Variants in SH3GL3 observed in about 807,000 individuals in gnomAD.
SH3GL3 encodes SH3 domain containing GRB2 like 3, endophilin A3.
In SH3GL3, 33 loss-of-function variants were observed where a neutral mutation model predicts 47.7. The observed-to-expected ratio is 0.69, with a 90% CI of 0.52 to 0.92. SH3GL3 has a LOEUF of 0.92. SH3GL3 is among the 40% of genes least tolerant of loss of function. The pLI is 0.00. For synonymous variants in SH3GL3, 155 were observed against 148.8 expected (o/e 1.04, Z -0.30); for missense variants, 363 against 417.8 (o/e 0.87, Z 1.14).
At chr15:83,501,548 A>T (rs1463365292) in intron 1 of SH3GL3, among the ~76,000 whole-genome samples, 1 of 152,176 alleles carries the variant, frequency 6.6e-6, no homozygotes, top group Non-Finnish European at 1.5e-5. Context: ...TGGGTGCAAG[A>T]TCTCAGTTAC....
chr15:83,576,949 G>A (rs1403571386), intron 6 of SH3GL3, among the ~76,000 whole-genome samples: 2 of 25,854 alleles, frequency 7.7e-5, no homozygotes, highest in Non-Finnish European at 1.6e-4. Context: ...ACGCTGTCTC[G>A]CTCTGTCACC....
chr15:83,541,266 T>C (rs1001804889), intron 1 of SH3GL3, among the ~76,000 whole-genome samples: 1 of 151,070 alleles, frequency 6.6e-6, no homozygotes, highest in Non-Finnish European at 1.5e-5. Flanking sequence ...ACTGATTTCC[T>C]GTCTTCTTTC....
chr15:83,630,329 C>G, the SH3GL3 span, among the ~76,000 whole-genome samples: 1 of 152,092 alleles, frequency 6.6e-6, no homozygotes, highest in African/African-American at 2.4e-5. Context: ...TAAAATTGAT[C>G]AATTGGACTT....
At chr15:83,557,723 A>G (rs2045034955) in intron 1 of SH3GL3, among the ~76,000 whole-genome samples, 1 of 152,182 alleles carries the variant, frequency 6.6e-6, no homozygotes, top group African/African-American at 2.4e-5. Context: ...GGGTAGCAAC[A>G]GTGTTTCTAG....
chr15:83,547,440 T>C (rs1415436442), intron 1 of SH3GL3, among the ~76,000 whole-genome samples: 2 of 152,214 alleles, frequency 1.3e-5, no homozygotes, highest in African/African-American at 4.8e-5. Flanking sequence ...GCTGCACTGC[T>C]GGGGGATGGA....
At chr15:83,574,522 C>T (rs2059623517) in intron 5 of SH3GL3, among the ~76,000 whole-genome samples, 1 of 152,128 alleles carries the variant, frequency 6.6e-6, no homozygotes, top group South Asian at 2.1e-4. Flanking sequence ...TTCCTGTTAA[C>T]ATTTACACAC....
At chr15:83,592,663 T>A (rs962385538) in intron 8 of SH3GL3, among the ~76,000 whole-genome samples, 10 of 152,234 alleles carry the variant, frequency 6.6e-5, no homozygotes, top group Admixed American at 3.9e-4. Context: ...CCCCAGAGAA[T>A]GTATTTTAAG....
intron 3 of SH3GL3, among the ~76,000 whole-genome samples, chr15:83,567,892 C>T (rs373191029): frequency 5.9e-5 from 9 of 151,878 alleles, no homozygotes; most frequent in East Asian, 1.9e-4. Context: ...GGGTCTCACT[C>T]GAGGGGTGGT....
At chr15:83,458,364 C>G (rs2040102734) in intron 1 of SH3GL3, among the ~76,000 whole-genome samples, 1 of 152,212 alleles carries the variant, frequency 6.6e-6, no homozygotes, top group African/African-American at 2.4e-5. Context: ...CACACAGCAC[C>G]AGCAGCCAGT....
chr15:83,489,447 G>T (rs2041764015), intron 1 of SH3GL3: 1 of 152,086 alleles, frequency 6.6e-6, no homozygotes, highest in Non-Finnish European at 1.5e-5. Flanking sequence ...TCCTTTGATG[G>T]GGGTAACGAC....
intron 1 of SH3GL3, among the ~76,000 whole-genome samples, chr15:83,545,279 T>C (rs977425230): frequency 1.3e-5 from 2 of 152,160 alleles, no homozygotes; most frequent in African/African-American, 4.8e-5. Context: ...TTCCTCTGCT[T>C]GATCAGTTCT....
chr15:83,563,962 A>C (rs902619591), intron 2 of SH3GL3, among the ~76,000 whole-genome samples: 2 of 152,042 alleles, frequency 1.3e-5, no homozygotes, highest in African/African-American at 4.8e-5. Context: ...TGTTTGTTTA[A>C]ATGGGAGTTT....
At chr15:83,471,189 A>G (rs2040815637) in intron 1 of SH3GL3, among the ~76,000 whole-genome samples, 1 of 152,116 alleles carries the variant, frequency 6.6e-6, no homozygotes, top group East Asian at 1.9e-4. Context: ...CTGGTAACAA[A>G]TTCTCTTAGT....
chr15:83,532,022 TA>T (rs1244768162), intron 1 of SH3GL3, among the ~76,000 whole-genome samples: 1 of 152,222 alleles, frequency 6.6e-6, no homozygotes, highest in African/African-American at 2.4e-5. Context: ...TGGCTGTTTT[TA>T]AAAACATCTG....
intron 1 of SH3GL3, among the ~76,000 whole-genome samples, chr15:83,545,277 C>A (rs2044342191): frequency 6.6e-6 from 1 of 152,102 alleles, no homozygotes; most frequent in African/African-American, 2.4e-5. Context: ...CATTCCTCTG[C>A]TTGATCAGTT....
the SH3GL3 span, among the ~76,000 whole-genome samples, chr15:83,628,336 C>A: frequency 6.6e-6 from 1 of 152,142 alleles, no homozygotes; most frequent in African/African-American, 2.4e-5. Flanking sequence ...CCAAAATACA[C>A]CTATATGAAA....
At chr15:83,502,536 A>G (rs1433960572) in intron 1 of SH3GL3, among the ~76,000 whole-genome samples, 1 of 152,180 alleles carries the variant, frequency 6.6e-6, no homozygotes, top group Non-Finnish European at 1.5e-5. Flanking sequence ...AAATGGATGG[A>G]TATGAATAAA....
At chr15:83,575,178 A>C (rs762656847) in intron 5 of SH3GL3, among the ~76,000 whole-genome samples, 10 of 152,208 alleles carry the variant, frequency 6.6e-5, no homozygotes, top group Admixed American at 2.6e-4. Context: ...TGGGGATGCC[A>C]AAACATCTCC....
At chr15:83,557,846 A>G (rs965047935) in intron 1 of SH3GL3, among the ~76,000 whole-genome samples, 6 of 152,084 alleles carry the variant, frequency 3.9e-5, no homozygotes, top group African/African-American at 1.4e-4. Context: ...ATAGACTCCA[A>G]CTCTAGCTCG....
Sources: gnomAD v4.1 joint callset for allele counts (sites outside exome capture counted in the v4.1 genomes callset) on GRCh38, gnomAD v4.1.1 for gene constraint, MANE v1.5 for transcripts, NCBI Gene and HGNC (gene_info 2026-07-23, HGNC 2026-07-21) for gene names.